ANTXR1: variants seen among roughly 807,000 people sequenced by gnomAD.
ANTXR1 encodes anthrax toxin receptor 1.
In ANTXR1, 19 loss-of-function variants were observed where a neutral mutation model predicts 78.1. That is an observed-to-expected ratio of 0.24 (90% CI 0.17 to 0.36). The LOEUF (loss-of-function observed/expected upper bound fraction) is 0.36. Ranked by LOEUF, ANTXR1 falls within the 10% of genes least tolerant of loss-of-function variation. The pLI is 1.00. For synonymous variants in ANTXR1, 273 were observed against 260.5 expected (o/e 1.05, Z -0.46); for missense variants, 518 against 718.6 (o/e 0.72, Z 3.19).
At chr2:69,048,083 A>C (rs745363643) in intron 3 of ANTXR1, among the ~76,000 whole-genome samples, 2 of 152,212 alleles carry the variant, frequency 1.3e-5, no homozygotes, top group African/African-American at 2.4e-5. Context: ...AAATGATGTT[A>C]ACTACTGCAT....
intron 3 of ANTXR1, among the ~76,000 whole-genome samples, chr2:69,057,071 G>A (rs1457018708): frequency 6.6e-6 from 1 of 150,914 alleles, no homozygotes; most frequent in East Asian, 1.9e-4. Flanking sequence ...TTTTTTGTGT[G>A]TAGATACATA....
intron 12 of ANTXR1, among the ~76,000 whole-genome samples, chr2:69,131,371 G>C (rs915742852): frequency 6.6e-6 from 1 of 152,140 alleles, no homozygotes; most frequent in African/African-American, 2.4e-5. Flanking sequence ...CCACAGACTT[G>C]TTCATTATTT....
chr2:69,099,504 T>C (rs1671543038), intron 9 of ANTXR1, among the ~76,000 whole-genome samples: 1 of 152,260 alleles, frequency 6.6e-6, no homozygotes, highest in African/African-American at 2.4e-5. Flanking sequence ...TGTTTAACTT[T>C]GTAGAAGAAC....
chr2:69,110,514 A>G (rs1573890648), intron 10 of ANTXR1, among the ~76,000 whole-genome samples: 1 of 152,316 alleles, frequency 6.6e-6, no homozygotes, highest in East Asian at 1.9e-4. Flanking sequence ...ATAATTACTG[A>G]TGTGGGGAGT....
In ANTXR1 at chr2:69,073,834, C is replaced by T. The variant is rs551112176; in HGVS notation, c.492+733C>T. ...AGTTAACCATAGAAATGTACTGAAACTATAGCCTTATTAGTGACAAAGGTT... is the reference window on the plus strand; with the variant it reads ...AGTTAACCATAGAAATGTACTGAAATTATAGCCTTATTAGTGACAAAGGTT... On this transcript the variant is annotated intron_variant, in intron 6 of 17. Coordinates refer to ENST00000303714, the MANE Select transcript of ANTXR1 (RefSeq NM_032208.3). Among the ~76,000 whole-genome samples the T allele has an allele frequency of 5.3e-5, 8 of 152,284 alleles. No homozygotes were observed. The South Asian group carries it at 1.7e-3, about 32-fold the overall frequency.
intron 17 of ANTXR1, among the ~76,000 whole-genome samples, chr2:69,210,935 CAAAAAAAAAA>C (rs1159790329): frequency 2.3e-5 from 1 of 43,540 alleles, no homozygotes; most frequent in African/African-American, 7.3e-5. Flanking sequence ...GACTCCATCA[CAAAAAAAAAA>C]AAAAAAAAAA....
At chr2:69,084,211 A>C (rs1670978096) in intron 8 of ANTXR1, among the ~76,000 whole-genome samples, 1 of 152,236 alleles carries the variant, frequency 6.6e-6, no homozygotes, top group Non-Finnish European at 1.5e-5. Context: ...ATCTTACTAA[A>C]TAAACCACAT....
rs1310358973 is a variant in ANTXR1 at position 69,186,067 on chromosome 2, GTTGTACCT to G, written c.1353+3408_1353+3415del. Among the ~76,000 whole-genome samples the G allele has an allele frequency of 7.3e-3, 1,108 of 152,230 alleles. 12 individuals are homozygous for G. Among genetic ancestry groups the G allele is most frequent in the African/African-American group, 0.025 (1,050 of 41,524 alleles). ...ATGCTTTGAATCCCCAGTAAACAGT[GTTGTACCT>G]GGCTCATCCCTTATTAAAGAGCTGA... On this transcript the variant is annotated intron_variant, in intron 16 of 17. Coordinates refer to ENST00000303714, the MANE Select transcript of ANTXR1 (RefSeq NM_032208.3).
intron 13 of ANTXR1, among the ~76,000 whole-genome samples, chr2:69,166,285 A>G (rs1673826024): frequency 6.6e-6 from 1 of 152,230 alleles, no homozygotes; most frequent in Non-Finnish European, 1.5e-5. Flanking sequence ...GCCTGAACAG[A>G]GACGGATAAA....
chr2:69,109,824 A>T (rs947991692), intron 10 of ANTXR1, among the ~76,000 whole-genome samples: 19 of 152,218 alleles, frequency 1.2e-4, no homozygotes, highest in Admixed American at 2.0e-4. Flanking sequence ...CATGAAAGAA[A>T]AATTTGAATG....
chr2:69,198,343 G>A lies in ANTXR1; in HGVS notation c.1434+4928G>A, dbSNP rs149985108. On this transcript the variant is annotated intron_variant, in intron 17 of 17. Transcript: ENST00000303714. ...TTTTTTATTATTACTGAGGTAGAAC[G>A]ATTTTTTTAATGTTTATTTTCTCGT... Among the ~76,000 whole-genome samples the A allele has an allele frequency of 6.1e-3, 922 of 152,140 alleles. 1 individual carries two copies. The highest frequency in any genetic ancestry group is 0.02 in the Middle Eastern group (6 of 294).
chr2:69,044,587 C>T (rs1210350639), intron 2 of ANTXR1, among the ~76,000 whole-genome samples, 155 bp from the exon 3 acceptor site: 1 of 152,180 alleles, frequency 6.6e-6, no homozygotes, highest in Admixed American at 6.5e-5. Context: ...GCTGGCTAAT[C>T]AACACCCGCA....
At chr2:69,095,545 G>C (rs1671372009) in intron 9 of ANTXR1, among the ~76,000 whole-genome samples, 1 of 152,206 alleles carries the variant, frequency 6.6e-6, no homozygotes, top group Non-Finnish European at 1.5e-5. Flanking sequence ...AGCATCTTTA[G>C]ATATTTGGAG....
At chr2:69,201,319 C>G (rs951805710) in intron 17 of ANTXR1, among the ~76,000 whole-genome samples, 4 of 152,096 alleles carry the variant, frequency 2.6e-5, no homozygotes, top group Non-Finnish European at 4.4e-5. Context: ...AGCTTGCATA[C>G]AGATCTGCAG....
intron 3 of ANTXR1, among the ~76,000 whole-genome samples, chr2:69,066,857 C>T (rs1670414025): frequency 6.6e-6 from 1 of 152,174 alleles, no homozygotes; most frequent in African/African-American, 2.4e-5. Context: ...CATGTGAAAC[C>T]ACCAAGGAAA....
Position 69,040,028 on chromosome 2 carries a change from G to A in ANTXR1, c.153-16G>A. On this transcript the variant is annotated splice_polypyrimidine_tract_variant and intron_variant, in intron 1 of 17. Transcript: ENST00000303714. ...TAAACACCTGAGTCACGCAACACCTGCTTTTGTTTTCCTAGATCAGGAAGT... is the reference window on the plus strand; with the variant it reads ...TAAACACCTGAGTCACGCAACACCTACTTTTGTTTTCCTAGATCAGGAAGT... 1 of 1,611,966 alleles carries A rather than the reference G, an allele frequency of 6.2e-7. No homozygotes were observed.
chr2:69,187,008 T>C (rs533449940), intron 16 of ANTXR1, among the ~76,000 whole-genome samples: 1 of 152,328 alleles, frequency 6.6e-6, no homozygotes, highest in East Asian at 1.9e-4. Context: ...TCAGCAGGTA[T>C]TGGAAAGACT....
chr2:69,117,857 T>G (rs1439475133), intron 10 of ANTXR1, among the ~76,000 whole-genome samples: 1 of 152,154 alleles, frequency 6.6e-6, no homozygotes, highest in Non-Finnish European at 1.5e-5. Context: ...TGAGTCGGTG[T>G]GATCTGAAAT....
At chr2:69,183,354 G>A (rs1264144303) in intron 16 of ANTXR1, among the ~76,000 whole-genome samples, 1 of 152,050 alleles carries the variant, frequency 6.6e-6, no homozygotes, top group African/African-American at 2.4e-5. Flanking sequence ...ATTGGGAAGT[G>A]TAAACCGTTG....
Sources: gnomAD v4.1 joint callset for allele counts (sites outside exome capture counted in the v4.1 genomes callset) on GRCh38, gnomAD v4.1.1 for gene constraint, MANE v1.5 for transcripts, NCBI Gene and HGNC (gene_info 2026-07-23, HGNC 2026-07-21) for gene names.